The following GUCY1A2 variants were observed in gnomAD, a reference collection of about 807,000 sequenced individuals.
GUCY1A2 encodes the protein guanylate cyclase 1 soluble subunit alpha 2, also known as guanylate cyclase soluble subunit alpha-2.
A neutral mutation model predicts 63.5 loss-of-function variants in GUCY1A2; 27 were observed. That is an observed-to-expected ratio of 0.43 (90% CI 0.31 to 0.59). GUCY1A2 has a LOEUF of 0.59. GUCY1A2 is among the 20% of genes least tolerant of loss of function. GUCY1A2 has a pLI of 0.11. For synonymous variants in GUCY1A2, 364 were observed against 343.5 expected (o/e 1.06, Z -0.66); for missense variants, 768 against 913.3 (o/e 0.84, Z 2.05).
At position 106,882,072 on chromosome 11, in the gene GUCY1A2, CTCCT is replaced by C. The variant is rs371703480; in HGVS notation, c.1206+57384_1206+57387del. ...CTCATTCTCTTTCTTTTCTTTTCTT[CTCCT>C]TCCTTCCTTCCTTCCTTCTCTTTTC... is the stretch of plus-strand genomic sequence containing the variant. On this transcript the variant is annotated intron_variant, in intron 4 of 7. Coordinates refer to ENST00000526355, the MANE Select transcript of GUCY1A2 (RefSeq NM_000855.3). 2.3e-3 allele frequency among the ~76,000 whole-genome samples: 351 copies of C among 151,754 alleles called. 1 individual carries two copies. The highest frequency in any genetic ancestry group is 3.4e-3 in the Middle Eastern group (1 of 292).
intron 7 of GUCY1A2, among the ~76,000 whole-genome samples, chr11:106,688,747 T>G (rs1862571551): frequency 6.6e-6 from 1 of 152,162 alleles, no homozygotes; most frequent in African/African-American, 2.4e-5. Context: ...AAAAAGTATT[T>G]GCAGTGGGAG....
At chr11:106,739,702 A>C (rs113700090) in intron 6 of GUCY1A2, among the ~76,000 whole-genome samples, 120 of 152,162 alleles carry the variant, frequency 7.9e-4, no homozygotes, top group African/African-American at 2.7e-3. Context: ...GATTTTCCCT[A>C]CTTTCTTCAT....
At chr11:106,894,100 G>C (rs1239942947) in intron 4 of GUCY1A2, among the ~76,000 whole-genome samples, 2 of 152,130 alleles carry the variant, frequency 1.3e-5, no homozygotes, top group African/African-American at 4.8e-5. Flanking sequence ...AACTGACCCA[G>C]GTGAAAGGAA....
intron 3 of GUCY1A2, among the ~76,000 whole-genome samples, chr11:106,967,626 G>C (rs1270283013): frequency 2.6e-5 from 4 of 151,686 alleles, no homozygotes; most frequent in Non-Finnish European, 5.9e-5. Context: ...GGCAGTCTAA[G>C]CCAGTAATCT....
At position 106,721,220 on chromosome 11, in the gene GUCY1A2, G is replaced by A. The variant is rs181863347; in HGVS notation, c.1837-12554C>T. 1.2e-3 allele frequency among the ~76,000 whole-genome samples: 180 copies of A among 151,980 alleles called. 1 individual carries two copies. Among genetic ancestry groups the A allele is most frequent in the African/African-American group, 4.1e-3 (170 of 41,440 alleles). On this transcript the variant is annotated intron_variant, in intron 6 of 7. Transcript: ENST00000526355. ...ACTACAGGCGTGCGCCACCATGCCC[G>A]GCTAATTTTTGTATCTTTAGTAGAG... is the stretch of plus-strand genomic sequence containing the variant.
At chr11:106,769,612 C>A (rs1011510348) in intron 6 of GUCY1A2, among the ~76,000 whole-genome samples, 1 of 152,014 alleles carries the variant, frequency 6.6e-6, no homozygotes, top group Non-Finnish European at 1.5e-5. Flanking sequence ...ATAAATCTAT[C>A]GGAAAATATA....
rs75587979 is a variant in GUCY1A2, at chr11:107,000,365, T to C, written c.304-14234A>G. Among the ~76,000 whole-genome samples, 284 of 152,138 alleles carry C rather than the reference T, an allele frequency of 1.9e-3. 12 individuals carry two copies. The East Asian group carries it at 0.033, about 18-fold the overall frequency. ...TATCTGTCTGAAGCTTCAAATGGAATTACAATAGTCTGTATCTAAGGTTTA... is the reference window on the plus strand; with the variant it reads ...TATCTGTCTGAAGCTTCAAATGGAACTACAATAGTCTGTATCTAAGGTTTA... On this transcript the variant is annotated intron_variant, in intron 1 of 7. Transcript: ENST00000526355.
In GUCY1A2 at chr11:106,776,538, G is replaced by C; in HGVS notation, c.1737C>G (p.His579Gln). ...GTTTAGCATGGCAGAGGCTTTTTCTGTGGAGCCCTGCTGCAACACAGTAGG... is the reference window on the plus strand; with the variant it reads ...GTTTAGCATGGCAGAGGCTTTTTCTCTGGAGCCCTGCTGCAACACAGTAGG... ...GDAYCVAAGL[H>Q]RKSLCHAKPI... The change falls in exon 6 of 8, where the codon CAC becomes CAG. Residue 579 changes from histidine (H) to glutamine (Q), a missense_variant. His to Gln is a conservative substitution (Grantham distance 24). Around this residue, in one of 3 missense-constraint regions of GUCY1A2, gnomAD observed 122 missense variants for 238.1 expected, o/e 0.51. Coordinates refer to ENST00000526355, the MANE Select transcript of GUCY1A2 (RefSeq NM_000855.3). 1 of 1,613,550 alleles carries C rather than the reference G, an allele frequency of 6.2e-7. No homozygotes were observed. The highest frequency in any genetic ancestry group is 8.5e-7 in the Non-Finnish European group (1 of 1,179,500).
chr11:106,732,423 A>G (rs1278836180), intron 6 of GUCY1A2, among the ~76,000 whole-genome samples: 1 of 152,178 alleles, frequency 6.6e-6, no homozygotes, highest in African/African-American at 2.4e-5. Context: ...TTTTAAGTAC[A>G]TAAAGTTAGC....
intron 4 of GUCY1A2, among the ~76,000 whole-genome samples, chr11:106,876,738 T>C (rs933676643): frequency 2.6e-5 from 4 of 152,082 alleles, no homozygotes; most frequent in Non-Finnish European, 4.4e-5. Context: ...TCTTAATACA[T>C]ACTTTACATT....
chr11:106,849,884 G>T (rs922915186), intron 4 of GUCY1A2, among the ~76,000 whole-genome samples: 13 of 151,608 alleles, frequency 8.6e-5, no homozygotes, highest in African/African-American at 2.9e-4. Context: ...GTTTTATTTA[G>T]ATAAAATTCA....
chr11:106,906,342 C>T (rs970204292), intron 4 of GUCY1A2, among the ~76,000 whole-genome samples: 1 of 152,144 alleles, frequency 6.6e-6, no homozygotes, highest in Non-Finnish European at 1.5e-5. Flanking sequence ...TGAAAAAAAT[C>T]TCATCATCAC....
intron 3 of GUCY1A2, among the ~76,000 whole-genome samples, chr11:106,947,156 G>T (rs886265095): frequency 6.6e-6 from 1 of 151,152 alleles, no homozygotes; most frequent in African/African-American, 2.4e-5. Flanking sequence ...GGCAGAGGTT[G>T]CAGTGAGCCA....
intron 6 of GUCY1A2, among the ~76,000 whole-genome samples, chr11:106,736,784 T>C (rs1591254936): frequency 6.6e-6 from 1 of 152,326 alleles, no homozygotes; most frequent in Non-Finnish European, 1.5e-5. Context: ...TTTCCATTTC[T>C]TGTGTGTCTT....
intron 4 of GUCY1A2, among the ~76,000 whole-genome samples, chr11:106,852,091 AT>A (rs1212337317): frequency 1.3e-5 from 2 of 151,722 alleles, no homozygotes; most frequent in Non-Finnish European, 2.9e-5. Context: ...ATTCCTAGGT[AT>A]TTTTTGTAGC....
At chr11:106,811,834 G>T (rs1005192838) in intron 4 of GUCY1A2, among the ~76,000 whole-genome samples, 4 of 151,926 alleles carry the variant, frequency 2.6e-5, no homozygotes, top group South Asian at 2.1e-4. Flanking sequence ...TACTAGTAAT[G>T]CTCTGCTCTG....
chr11:106,802,989 T>A (rs1398220513), intron 5 of GUCY1A2, among the ~76,000 whole-genome samples: 3 of 152,146 alleles, frequency 2.0e-5, no homozygotes, highest in Admixed American at 6.6e-5. Context: ...AAATTAAATA[T>A]CGATAGGGAC....
chr11:106,891,639 C>A (rs561318734), intron 4 of GUCY1A2, among the ~76,000 whole-genome samples: 17 of 152,106 alleles, frequency 1.1e-4, no homozygotes, highest in African/African-American at 4.1e-4. Context: ...CATATAAATA[C>A]TCAGTTACTG....
chr11:106,887,196 T>G (rs930257024), intron 4 of GUCY1A2, among the ~76,000 whole-genome samples: 3 of 152,138 alleles, frequency 2.0e-5, no homozygotes, highest in Non-Finnish European at 4.4e-5. Flanking sequence ...CAGGCACTAT[T>G]TCTATTATAA....
Sources: gnomAD v4.1 joint callset for allele counts (sites outside exome capture counted in the v4.1 genomes callset) on GRCh38, gnomAD v4.1.1 for gene constraint, gnomAD v4.1.1 regional missense constraint, MANE v1.5 for transcripts, NCBI Gene and HGNC (gene_info 2026-07-23, HGNC 2026-07-21) for gene names.